Variants in KATNA1 observed in about 807,000 individuals in gnomAD.
KATNA1 encodes katanin catalytic subunit A1.
KATNA1 carries 42 observed loss-of-function variants against 62.6 expected under a neutral mutation model. That is an observed-to-expected ratio of 0.67 (90% CI 0.52 to 0.87). The LOEUF (loss-of-function observed/expected upper bound fraction) is 0.87. Ranked by LOEUF, KATNA1 falls within the 40% of genes least tolerant of loss-of-function variation. The probability of loss-of-function intolerance (pLI) is 0.00; values close to 1 mark genes in which losing one functional copy is unlikely to be tolerated. For synonymous variants in KATNA1, 186 were observed against 201.9 expected (o/e 0.92, Z 0.67); for missense variants, 498 against 612.5 (o/e 0.81, Z 1.97).
chr6:149,629,670 T>C (rs1779758115), intron 3 of KATNA1, among the ~76,000 whole-genome samples: 1 of 125,238 alleles, frequency 8.0e-6, no homozygotes, highest in Non-Finnish European at 1.6e-5. Flanking sequence ...AAATTATAAA[T>C]GTGGAAAAAT....
intron 4 of KATNA1, among the ~76,000 whole-genome samples, chr6:149,611,307 C>T (rs904778568): frequency 6.6e-6 from 1 of 151,304 alleles, no homozygotes; most frequent in Non-Finnish European, 1.5e-5. Context: ...ACTAAAAATA[C>T]AAAAATTAGC....
In KATNA1 at chr6:149,603,347, G is replaced by A; in HGVS notation, c.650C>T (p.Ala217Val). Residue 217 changes from alanine (A) to valine (V), a missense_variant, in exon 6 of 11, where the codon GCT (alanine) becomes GTT (valine). Physicochemically the swap from Ala to Val is moderately conservative, Grantham distance 64. Transcript: ENST00000367411. ...RWDDIADLVE[A>V]KKLLKEAVVL... The stretch of plus-strand genomic sequence containing the variant: ...TACGGCTTCCTTAAGCAACTTTTTA[G>A]CTTCTACTAAATCAGCGATATCATC... The A allele has an allele frequency of 6.3e-7, 1 of 1,589,340 alleles. No individual in the cohort carries two copies. Among genetic ancestry groups the A allele is most frequent in the East Asian group, 2.3e-5 (1 of 44,322 alleles).
intron 4 of KATNA1, among the ~76,000 whole-genome samples, chr6:149,606,568 T>C (rs1778746872): frequency 6.6e-6 from 1 of 152,150 alleles, no homozygotes; most frequent in African/African-American, 2.4e-5. Context: ...AATGTGTGTA[T>C]TGAGCCTCCA....
intron 4 of KATNA1, among the ~76,000 whole-genome samples, chr6:149,609,025 C>T (rs1778846870): frequency 6.6e-6 from 1 of 152,166 alleles, no homozygotes; most frequent in Admixed American, 6.5e-5. Flanking sequence ...ATACCAAGAA[C>T]CATGAAAATC....
chr6:149,609,962 G>A (rs2115096828), intron 4 of KATNA1, among the ~76,000 whole-genome samples: 1 of 151,522 alleles, frequency 6.6e-6, no homozygotes, highest in South Asian at 2.1e-4. Context: ...AGCTGGGTGT[G>A]GTAGCACATG....
chr6:149,634,655 G>T (rs992343326), intron 2 of KATNA1, among the ~76,000 whole-genome samples: 16 of 152,130 alleles, frequency 1.1e-4, no homozygotes, highest in African/African-American at 3.9e-4. Context: ...ACAGGTGTGA[G>T]CCACCATGCC....
intron 1 of KATNA1, among the ~76,000 whole-genome samples, chr6:149,640,331 C>T (rs577100765): frequency 5.9e-5 from 9 of 151,904 alleles, no homozygotes; most frequent in Non-Finnish European, 1.0e-4. Flanking sequence ...GTGGTGTGTG[C>T]CTGTAGTCCC....
At chr6:149,601,526 A>T in intron 7 of KATNA1, 68 bp downstream of exon 7, 1 of 1,382,828 alleles carries the variant, frequency 7.2e-7, no homozygotes, top group Non-Finnish European at 9.8e-7. Flanking sequence ...TATACTGGAG[A>T]TAGTTACAGC....
In KATNA1 at chr6:149,632,805, C is replaced by G. The variant is rs1193684132; in HGVS notation, c.274G>C (p.Ala92Pro). The change falls in exon 3 of 11, where the codon GCT becomes CCT. Residue 92 changes from alanine to proline, a missense_variant. Transcript: ENST00000367411. The stretch of plus-strand genomic sequence containing the variant: ...ATGGACCAGACTTCTCCCTCAGAAG[C>G]TGGAAGGTCATGCTGTGCCGCTTTC... ...PLKAAQHDLP[A>P]SEGEVWSMPV... 6.2e-7 allele frequency: 1 copy of G among 1,613,774 alleles called. No individual in the cohort carries two copies. Among genetic ancestry groups the G allele is most frequent in the Non-Finnish European group, 8.5e-7 (1 of 1,179,914 alleles).
chr6:149,637,767 GC>G lies in KATNA1; in HGVS notation c.162+618del, dbSNP rs574345550. Among the ~76,000 whole-genome samples the G allele has an allele frequency of 6.2e-3, 943 of 152,152 alleles. 5 individuals carry two copies. The highest frequency in any genetic ancestry group is 0.011 in the Non-Finnish European group (734 of 67,992). Reference sequence around the variant, plus strand: ...GAAGGTTGCAGTGAGCCGAGATCGTGCCACTGCACTCCACCCTGGATGACAA... The same window carrying G: ...GAAGGTTGCAGTGAGCCGAGATCGTGCACTGCACTCCACCCTGGATGACAA... On this transcript the variant is annotated intron_variant, in intron 2 of 10. Transcript: ENST00000367411.
chr6:149,619,455 T>C (rs1458560729), intron 4 of KATNA1, among the ~76,000 whole-genome samples: 1 of 151,840 alleles, frequency 6.6e-6, no homozygotes, highest in Non-Finnish European at 1.5e-5. Flanking sequence ...TCTACTAAAA[T>C]ACAAAAAATT....
chr6:149,635,055 G>C (rs1342752408), intron 2 of KATNA1, among the ~76,000 whole-genome samples: 1 of 150,620 alleles, frequency 6.6e-6, no homozygotes, highest in African/African-American at 2.4e-5. Context: ...AAAAATAAAA[G>C]AGAAAAGGAA....
intron 1 of KATNA1, among the ~76,000 whole-genome samples, chr6:149,645,209 G>A (rs1407135121): frequency 6.6e-6 from 1 of 151,994 alleles, no homozygotes; most frequent in Non-Finnish European, 1.5e-5. Context: ...CACTTTGGGA[G>A]GCCGAGGCAG....
At chr6:149,645,856 C>T (rs1780465638) in intron 1 of KATNA1, among the ~76,000 whole-genome samples, 1 of 151,994 alleles carries the variant, frequency 6.6e-6, no homozygotes, top group Admixed American at 6.6e-5. Context: ...TGATGCAGTG[C>T]TGTCTCTCCA....
intron 10 of KATNA1, among the ~76,000 whole-genome samples, chr6:149,595,673 A>C (rs76168471): frequency 1.1e-4 from 16 of 152,106 alleles, no homozygotes; most frequent in African/African-American, 3.6e-4. Context: ...AAAAAAAAAA[A>C]CAAAACTTCA....
At chr6:149,623,352 G>A in intron 3 of KATNA1, 69 bp from the exon 4 acceptor site, 1 of 1,145,488 alleles carries the variant, frequency 8.7e-7, no homozygotes, top group Non-Finnish European at 1.2e-6. Flanking sequence ...TACTGTGTAA[G>A]TTAAGAGTCT....
chr6:149,617,846 G>A (rs62439806), intron 4 of KATNA1, among the ~76,000 whole-genome samples: 4,995 of 151,984 alleles, frequency 0.033, 116 homozygotes, highest in Non-Finnish European at 0.051. Context: ...TGAGGCAGGA[G>A]AATCGCTTGA....
At chr6:149,608,701 C>A (rs953276276) in intron 4 of KATNA1, among the ~76,000 whole-genome samples, 7 of 152,208 alleles carry the variant, frequency 4.6e-5, no homozygotes, top group African/African-American at 1.4e-4. Context: ...TTCTCTCCCC[C>A]ACCCCTCCCC....
chr6:149,622,172 G>A (rs1262117292), intron 4 of KATNA1, among the ~76,000 whole-genome samples: 1 of 147,162 alleles, frequency 6.8e-6, no homozygotes, highest in African/African-American at 2.5e-5. Flanking sequence ...TCGCTCTGTC[G>A]CCCAGGCTGG....
Sources: allele counts gnomAD v4.1 joint callset (sites outside exome capture counted in the v4.1 genomes callset), GRCh38; gene constraint gnomAD v4.1.1; transcripts MANE v1.5; gene names NCBI Gene and HGNC (gene_info 2026-07-23, HGNC 2026-07-21).